TPRG1: variants seen among roughly 807,000 people sequenced by gnomAD.
The protein encoded by TPRG1 is tumor protein p63 regulated 1.
In TPRG1, 29 loss-of-function variants were observed where a neutral mutation model predicts 29.3. The observed-to-expected ratio is 0.99, with a 90% CI of 0.74 to 1.35. The LOEUF (loss-of-function observed/expected upper bound fraction) is 1.35. TPRG1 is among the 40% of genes most tolerant of loss of function. The pLI, the probability that TPRG1 is intolerant of heterozygous loss-of-function variation, is 0.00. For missense variants in TPRG1, 327 were observed against 335.0 expected, an observed-to-expected ratio of 0.98 and a Z score of 0.19; for synonymous variants, 130 against 116.8, an observed-to-expected ratio of 1.11 and a Z score of -0.73.
At chr3:189,183,410 C>A (rs1730502179) in intron 1 of TPRG1, among the ~76,000 whole-genome samples, 1 of 152,110 alleles carries the variant, frequency 6.6e-6, no homozygotes, top group Non-Finnish European at 1.5e-5. Context: ...AAGTTTCGGG[C>A]ACCATTGTCA....
intron 4 of TPRG1, among the ~76,000 whole-genome samples, chr3:189,076,543 A>G (rs1242774422): frequency 6.7e-6 from 1 of 149,914 alleles, no homozygotes; most frequent in Non-Finnish European, 1.5e-5. Context: ...TTTTTTTTTT[A>G]CAAAAAAATA....
intron 3 of TPRG1, among the ~76,000 whole-genome samples, chr3:189,141,663 C>T (rs918523476): frequency 1.3e-5 from 2 of 152,098 alleles, no homozygotes; most frequent in African/African-American, 2.4e-5. Flanking sequence ...AGAATTTGTT[C>T]ATCAAATATT....
intron 4 of TPRG1, among the ~76,000 whole-genome samples, chr3:189,052,223 G>C (rs77169041): frequency 1.1e-3 from 168 of 152,094 alleles, no homozygotes; most frequent in African/African-American, 3.9e-3. Flanking sequence ...ATCCAGAACT[G>C]CAATGAACTC....
chr3:189,187,925 A>G (rs1435762216), intron 1 of TPRG1, among the ~76,000 whole-genome samples: 1 of 152,198 alleles, frequency 6.6e-6, no homozygotes, highest in Admixed American at 6.5e-5. Flanking sequence ...AATAATCTTG[A>G]TATATCACCC....
intron 4 of TPRG1, among the ~76,000 whole-genome samples, chr3:189,291,328 T>G (rs1393280581): frequency 6.6e-6 from 1 of 152,152 alleles, no homozygotes; most frequent in Admixed American, 6.6e-5. Context: ...GAGGACCAAA[T>G]GAGGTGATCT....
At chr3:189,001,446 T>C (rs1425958163) in intron 2 of TPRG1, among the ~76,000 whole-genome samples, 1 of 152,154 alleles carries the variant, frequency 6.6e-6, no homozygotes, top group Admixed American at 6.5e-5. Context: ...GAGGACCCTT[T>C]CTTCATAGGC....
At chr3:189,046,439 T>G (rs997867121) in intron 4 of TPRG1, among the ~76,000 whole-genome samples, 2 of 152,208 alleles carry the variant, frequency 1.3e-5, no homozygotes, top group Non-Finnish European at 2.9e-5. Context: ...TAACGGCTAT[T>G]TCTTTGGGCA....
At chr3:189,093,513 G>A (rs1343994534) in intron 4 of TPRG1, among the ~76,000 whole-genome samples, 3 of 152,176 alleles carry the variant, frequency 2.0e-5, no homozygotes, top group African/African-American at 7.2e-5. Context: ...GAATGAAATG[G>A]TCTCTTATTT....
intron 4 of TPRG1, among the ~76,000 whole-genome samples, chr3:189,149,791 A>G (rs1001991549): frequency 1.3e-5 from 2 of 152,022 alleles, no homozygotes; most frequent in Admixed American, 1.3e-4. Context: ...CCTTCTTGCC[A>G]TCTGGTAGCT....
intron 4 of TPRG1, among the ~76,000 whole-genome samples, chr3:189,239,422 A>G (rs1366755844): frequency 6.6e-6 from 1 of 152,174 alleles, no homozygotes; most frequent in African/African-American, 2.4e-5. Context: ...TCAGGTTGAT[A>G]TTTTGGTGGG....
chr3:188,998,720 C>T (rs1711902121), intron 1 of TPRG1, among the ~76,000 whole-genome samples: 1 of 152,094 alleles, frequency 6.6e-6, no homozygotes. Context: ...AAGCCAGGCC[C>T]ACAAAGGCTA....
intron 3 of TPRG1, among the ~76,000 whole-genome samples, chr3:189,023,426 C>T (rs951111459): frequency 3.3e-5 from 5 of 152,186 alleles, no homozygotes; most frequent in African/African-American, 7.2e-5. Flanking sequence ...TTAGCTTCTT[C>T]GCATTGAGTT....
intron 4 of TPRG1, among the ~76,000 whole-genome samples, chr3:189,274,935 A>AGTGTGTGTGT (rs57386934): frequency 8.0e-4 from 110 of 137,720 alleles, no homozygotes; most frequent in Admixed American, 2.2e-3. Flanking sequence ...TAATGTAATG[A>AGTGTGTGTGT]GTGTGTGTGT....
chr3:189,098,821 C>T (rs1718868814), upstream of TPRG1, among the ~76,000 whole-genome samples: 1 of 152,082 alleles, frequency 6.6e-6, no homozygotes, highest in African/African-American at 2.4e-5. Flanking sequence ...AGTCTCTGGC[C>T]TTATAACAAT....
chr3:189,060,613 A>G (rs1716038014), intron 4 of TPRG1, among the ~76,000 whole-genome samples: 1 of 152,230 alleles, frequency 6.6e-6, no homozygotes, highest in Admixed American at 6.5e-5. Flanking sequence ...CATAAAATCA[A>G]TGTGCAAAAA....
chr3:189,090,685 G>A (rs1012372786), intron 4 of TPRG1, among the ~76,000 whole-genome samples: 6 of 151,734 alleles, frequency 4.0e-5, no homozygotes, highest in African/African-American at 7.3e-5. Flanking sequence ...TTATATTAAC[G>A]TTAATATATC....
intron 5 of TPRG1, among the ~76,000 whole-genome samples, chr3:189,161,292 G>A (rs1727447489): frequency 6.6e-6 from 1 of 152,220 alleles, no homozygotes; most frequent in Non-Finnish European, 1.5e-5. Flanking sequence ...GTACATCATG[G>A]AAAGGAGCTT....
intron 4 of TPRG1, among the ~76,000 whole-genome samples, chr3:189,286,960 A>G (rs945760162): frequency 1.3e-5 from 2 of 152,056 alleles, no homozygotes; most frequent in African/African-American, 4.8e-5. Context: ...TGTAAGGATA[A>G]TATACAGCTG....
At chr3:189,075,547 C>T (rs1436351210) in intron 4 of TPRG1, among the ~76,000 whole-genome samples, 1 of 152,140 alleles carries the variant, frequency 6.6e-6, no homozygotes, top group African/African-American at 2.4e-5. Context: ...TTATTTTTGT[C>T]TCTTTTTTCT....
Sources: allele counts gnomAD v4.1 joint callset (sites outside exome capture counted in the v4.1 genomes callset), GRCh38; gene constraint gnomAD v4.1.1; transcripts MANE v1.5; gene names NCBI Gene and HGNC (gene_info 2026-07-23, HGNC 2026-07-21).